MACC1: variants seen among roughly 807,000 people sequenced by gnomAD.
The protein encoded by MACC1 is MET transcriptional regulator MACC1.
A neutral mutation model predicts 70.7 loss-of-function variants in MACC1; 79 were observed. That is an observed-to-expected ratio of 1.12 (90% CI 0.93 to 1.35). MACC1 has a LOEUF of 1.35. Among genes scored for constraint, MACC1 ranks in the 40% most tolerant of loss-of-function variants. MACC1 has a pLI of 0.00. For missense variants in MACC1, 1,106 were observed against 978.1 expected, an observed-to-expected ratio of 1.13 and a Z score of -1.74; for synonymous variants, 361 against 347.2, an observed-to-expected ratio of 1.04 and a Z score of -0.44.
intron 6 of MACC1, among the ~76,000 whole-genome samples, chr7:20,144,629 A>T (rs1423480255): frequency 6.6e-6 from 1 of 152,052 alleles, no homozygotes; most frequent in Non-Finnish European, 1.5e-5. Context: ...GAAAGTACTT[A>T]TTTTTTTGGC....
intron 6 of MACC1, chr7:20,150,365 G>C (rs1215736803): frequency 6.6e-6 from 1 of 152,012 alleles, no homozygotes; most frequent in African/African-American, 2.4e-5. Flanking sequence ...AATTCCATGT[G>C]GAATTCATTC....
intron 1 of MACC1, among the ~76,000 whole-genome samples, chr7:20,178,844 C>T (rs367633606): frequency 2.0e-5 from 3 of 152,300 alleles, no homozygotes; most frequent in Admixed American, 6.5e-5. Flanking sequence ...AGATGATCCT[C>T]CCATCTTGGC....
intron 1 of MACC1, among the ~76,000 whole-genome samples, chr7:20,171,545 C>G (rs564431425): frequency 1.3e-5 from 2 of 151,378 alleles, no homozygotes; most frequent in Non-Finnish European, 1.5e-5. Context: ...TGAGCCACCA[C>G]GCCCGGCTGA....
At chr7:20,211,368 A>G (rs981552613) in intron 1 of MACC1, among the ~76,000 whole-genome samples, 1 of 152,180 alleles carries the variant, frequency 6.6e-6, no homozygotes, top group African/African-American at 2.4e-5. Context: ...ATTGTGATTA[A>G]TATGATTAAT....
rs1781788153 is a variant in MACC1, at chr7:20,140,850, CACAG to C, written c.*92_*95del. On this transcript the variant is annotated 3_prime_UTR_variant, in exon 7 of 7. Coordinates refer to ENST00000400331, the MANE Select transcript of MACC1 (RefSeq NM_182762.4). Reference sequence around the variant, plus strand: ...AGACACACACACACAGACACACACACACAGACACACAGAGACACACACAGACACA... The same window carrying C: ...AGACACACACACACAGACACACACACACACACAGAGACACACACAGACACA... 5.8e-6 allele frequency: 5 copies of C among 855,006 alleles called. No individual in the cohort carries two copies. The highest frequency in any genetic ancestry group is 2.0e-5 in the African/African-American group (1 of 50,492). The allele number at this position is 855,006 out of a possible 1,614,324, so 53.0% of individuals were successfully genotyped here. A position where few individuals can be genotyped will look rare whatever the true frequency, so the allele number is the denominator to read the frequency against.
chr7:20,203,398 T>TTGC (rs896115495), intron 1 of MACC1, among the ~76,000 whole-genome samples: 19 of 152,296 alleles, frequency 1.2e-4, no homozygotes, highest in East Asian at 7.7e-4. Flanking sequence ...CAAATATTTA[T>TTGC]TGCTGCTGCT....
At chr7:20,151,121 CA>C (rs888457104) in intron 6 of MACC1, among the ~76,000 whole-genome samples, 4 of 150,054 alleles carry the variant, frequency 2.7e-5, no homozygotes, top group African/African-American at 7.4e-5. Flanking sequence ...CCTTATTAAA[CA>C]AGATAAAAAT....
chr7:20,199,086 G>A (rs559821806), intron 1 of MACC1, among the ~76,000 whole-genome samples: 1 of 152,192 alleles, frequency 6.6e-6, no homozygotes, highest in Non-Finnish European at 1.5e-5. Context: ...TTTATGGAGG[G>A]CCTATCATCT....
intron 1 of MACC1, among the ~76,000 whole-genome samples, chr7:20,174,779 C>T (rs6952654): frequency 0.15 from 22,719 of 151,972 alleles, 1,850 homozygotes; most frequent in African/African-American, 0.18. Context: ...TGACTATTCA[C>T]GGTATCAACA....
At chr7:20,199,411 G>A (rs1451836020) in intron 1 of MACC1, among the ~76,000 whole-genome samples, 1 of 152,204 alleles carries the variant, frequency 6.6e-6, no homozygotes, top group Non-Finnish European at 1.5e-5. Flanking sequence ...AAGGGACCTG[G>A]TGTGTGTGAT....
At chr7:20,155,695 A>G (rs528990736) in intron 5 of MACC1, among the ~76,000 whole-genome samples, 10 of 152,238 alleles carry the variant, frequency 6.6e-5, no homozygotes, top group Non-Finnish European at 1.5e-4. Context: ...TAGCATGTTC[A>G]TTCCCCTGAA....
At chr7:20,202,262 G>T (rs988951030) in intron 1 of MACC1, among the ~76,000 whole-genome samples, 1 of 152,182 alleles carries the variant, frequency 6.6e-6, no homozygotes, top group African/African-American at 2.4e-5. Flanking sequence ...ATCAACTTCT[G>T]TAAGTTCATT....
chr7:20,165,246 T>C (rs1782196063), intron 2 of MACC1, among the ~76,000 whole-genome samples: 1 of 152,170 alleles, frequency 6.6e-6, no homozygotes, highest in Admixed American at 6.6e-5. Flanking sequence ...ACCCCAGTGT[T>C]TCTAATCCAG....
At chr7:20,157,560 G>T (rs997267587) in intron 5 of MACC1, among the ~76,000 whole-genome samples, 1 of 150,978 alleles carries the variant, frequency 6.6e-6, no homozygotes, top group African/African-American at 2.4e-5. Flanking sequence ...AAGGTGGGAA[G>T]ATTGCTTGAG....
chr7:20,157,809 A>C (rs1782077720), intron 5 of MACC1, among the ~76,000 whole-genome samples: 1 of 150,574 alleles, frequency 6.6e-6, no homozygotes, highest in South Asian at 2.1e-4. Flanking sequence ...AAAAAATCCC[A>C]CACACACTGA....
intron 6 of MACC1, among the ~76,000 whole-genome samples, chr7:20,147,178 A>C (rs368742008): frequency 3.8e-4 from 58 of 152,362 alleles, no homozygotes; most frequent in Middle Eastern, 6.8e-3. Flanking sequence ...AAGGCAAAAC[A>C]TACATAGTTT....
At chr7:20,176,113 TTAC>T (rs1782389050) in intron 1 of MACC1, among the ~76,000 whole-genome samples, 1 of 152,042 alleles carries the variant, frequency 6.6e-6, no homozygotes, top group African/African-American at 2.4e-5. Flanking sequence ...TGTAAAAAAA[TTAC>T]TAAGTACAAC....
At chr7:20,177,720 G>GTT (rs1466131979) in intron 1 of MACC1, among the ~76,000 whole-genome samples, 1 of 88,220 alleles carries the variant, frequency 1.1e-5, no homozygotes, top group Non-Finnish European at 2.1e-5. Flanking sequence ...AGCTGCCTTT[G>GTT]TTGTTTTTTT....
At chr7:20,215,171 C>T (rs193030879) in intron 1 of MACC1, among the ~76,000 whole-genome samples, 110 of 151,648 alleles carry the variant, frequency 7.3e-4, no homozygotes, top group African/African-American at 2.0e-3. Context: ...CTTTTTAATC[C>T]CCTGATACTG....
Sources: allele counts gnomAD v4.1 joint callset (sites outside exome capture counted in the v4.1 genomes callset), GRCh38; gene constraint gnomAD v4.1.1; transcripts MANE v1.5; gene names NCBI Gene and HGNC (gene_info 2026-07-23, HGNC 2026-07-21).